DRICH1: variants seen among roughly 807,000 people sequenced by gnomAD.
The protein encoded by DRICH1 is aspartate-rich protein 1.
A neutral mutation model predicts 39.5 loss-of-function variants in DRICH1; 38 were observed. The observed-to-expected ratio is 0.96, with a 90% CI of 0.74 to 1.26. DRICH1 has a LOEUF of 1.26. Ranked by LOEUF, DRICH1 falls within the 50% of genes most tolerant of loss-of-function variation. The pLI, the probability that DRICH1 is intolerant of heterozygous loss-of-function variation, is 0.00. For synonymous variants in DRICH1, 84 were observed against 99.5 expected (o/e 0.84, Z 0.93); for missense variants, 279 against 270.4 (o/e 1.03, Z -0.22).
At chr22:23,609,120 A>T (rs1602327125) in intron 11 of DRICH1, among the ~76,000 whole-genome samples, 1 of 152,134 alleles carries the variant, frequency 6.6e-6, no homozygotes, top group East Asian at 1.9e-4. Flanking sequence ...ATTCAACTGT[A>T]GCCCAGAGGC....
chr22:23,598,517 C>T, the DRICH1 span, among the ~76,000 whole-genome samples: 2 of 152,192 alleles, frequency 1.3e-5, no homozygotes, highest in Admixed American at 6.5e-5. Context: ...TGAGCTTGGG[C>T]GGGACCCCTT....
At chr22:23,601,139 C>CACGT in the DRICH1 span, among the ~76,000 whole-genome samples, 3 of 140,308 alleles carry the variant, frequency 2.1e-5, no homozygotes, top group Non-Finnish European at 3.1e-5. Flanking sequence ...TGACCTAACG[C>CACGT]ACGCGCGCAC....
At chr22:23,609,895 G>C (rs1397869091) in intron 11 of DRICH1, among the ~76,000 whole-genome samples, 1 of 152,050 alleles carries the variant, frequency 6.6e-6, no homozygotes, top group Admixed American at 6.5e-5. Flanking sequence ...TTCTTGCTTG[G>C]ACTGAAACCT....
chr22:23,592,749 T>G, the DRICH1 span, among the ~76,000 whole-genome samples: 1 of 151,896 alleles, frequency 6.6e-6, no homozygotes, highest in Non-Finnish European at 1.5e-5. Context: ...CCCAGCACTT[T>G]GGGAGCCTGA....
intron 4 of DRICH1, 60 bp from the exon 5 acceptor site, chr22:23,620,675 ACAGATCTGTTATTCTCTTGATGACTT>A (rs1337813416): frequency 4.6e-5 from 72 of 1,579,536 alleles, no homozygotes; most frequent in Non-Finnish European, 6.2e-5. Context: ...CACCCCTTAC[ACAGATCTGTTATTCTCTTGATGACTT>A]CAGAAAACTA....
At chr22:23,585,861 T>C in the DRICH1 span, among the ~76,000 whole-genome samples, 990 of 152,312 alleles carry the variant, frequency 6.5e-3, 6 homozygotes, top group Non-Finnish European at 8.9e-3. Context: ...TGTATGTATT[T>C]AGGGTGCATA....
At chr22:23,590,906 G>A in the DRICH1 span, among the ~76,000 whole-genome samples, 2 of 152,218 alleles carry the variant, frequency 1.3e-5, no homozygotes, top group Non-Finnish European at 2.9e-5. Context: ...CTACAGGCGT[G>A]AGCCACTGGG....
the DRICH1 span, among the ~76,000 whole-genome samples, chr22:23,598,829 C>T: frequency 6.6e-6 from 1 of 152,012 alleles, no homozygotes; most frequent in Non-Finnish European, 1.5e-5. Context: ...GTGTTCCATA[C>T]AGGTGTGCTC....
chr22:23,584,111 T>C, the DRICH1 span, among the ~76,000 whole-genome samples: 2 of 152,308 alleles, frequency 1.3e-5, no homozygotes, highest in African/African-American at 4.8e-5. Flanking sequence ...GGGGCTGGGC[T>C]GGGCCGGGCC....
chr22:23,608,846 C>T, intron 11 of DRICH1, 78 bp from the exon 12 acceptor site: 2 of 1,477,980 alleles, frequency 1.4e-6, no homozygotes, highest in African/African-American at 1.4e-5. Context: ...CACTAAGCAG[C>T]CTCCACGCCA....
the DRICH1 span, among the ~76,000 whole-genome samples, chr22:23,588,962 T>A: frequency 6.6e-6 from 1 of 152,086 alleles, no homozygotes; most frequent in African/African-American, 2.4e-5. Flanking sequence ...ACTAGCAACA[T>A]CATGCTTCTG....
rs376290792 is a variant in DRICH1, at chr22:23,608,715, G to A, written c.*49C>T. 1.4e-4 allele frequency: 220 copies of A among 1,547,962 alleles called. 1 individual carries two copies. Among genetic ancestry groups the A allele is most frequent in the African/African-American group, 3.4e-4 (25 of 73,100 alleles). On this transcript the variant is annotated 3_prime_UTR_variant, in exon 12 of 12. Transcript: ENST00000317749. ...CAAAGCTGGGGACCCTGCAGCACGC[G>A]CTGGCCTGCCCTTTGGGTCAGCACC...
chr22:23,613,423 G>T, intron 10 of DRICH1, 93 bp from the exon 11 acceptor site: 1 of 1,091,164 alleles, frequency 9.2e-7, no homozygotes, highest in Non-Finnish European at 1.4e-6. Flanking sequence ...TGATGAGCTA[G>T]TCTCCCACTC....
In DRICH1 at chr22:23,613,487, C is replaced by T. The variant is rs142689723; in HGVS notation, c.643+152G>A. The stretch of plus-strand genomic sequence containing the variant: ...CTTTCTTCTGGGTCGACAAACCTTC[C>T]TACAGCTTCTCAGGCCAGAGTTCTA... On this transcript the variant is annotated intron_variant, in intron 10 of 11. Transcript: ENST00000317749. 1.1e-3 allele frequency: 1,006 copies of T among 887,330 alleles called. 8 individuals are homozygous for T. In the African/African-American group the frequency reaches 0.014, roughly 13 times the overall value. 55.0% of individuals were successfully genotyped at this position (887,330 alleles called of 1,614,324 possible).
At chr22:23,598,987 G>C in the DRICH1 span, among the ~76,000 whole-genome samples, 1 of 152,168 alleles carries the variant, frequency 6.6e-6, no homozygotes, top group Non-Finnish European at 1.5e-5. Flanking sequence ...ACTGCTCTAG[G>C]CCTCAGTTAT....
At chr22:23,630,729 T>C (rs1928339047) in intron 1 of DRICH1, 2 of 152,226 alleles carry the variant, frequency 1.3e-5, no homozygotes, top group South Asian at 4.1e-4. Context: ...ATCATCTAAA[T>C]GACACGGCTG....
the DRICH1 span, among the ~76,000 whole-genome samples, chr22:23,585,103 CT>C: frequency 6.6e-6 from 1 of 151,678 alleles, no homozygotes; most frequent in South Asian, 2.1e-4. Flanking sequence ...TTTTTCCTCT[CT>C]CTCTCCTTCC....
At chr22:23,592,597 C>G in the DRICH1 span, among the ~76,000 whole-genome samples, 2 of 152,098 alleles carry the variant, frequency 1.3e-5, no homozygotes, top group African/African-American at 2.4e-5. Flanking sequence ...GCCCACCCCT[C>G]CAGGGCCCAG....
intron 11 of DRICH1, among the ~76,000 whole-genome samples, chr22:23,609,823 C>T (rs10428023): frequency 0.02 from 3,004 of 152,268 alleles, 92 homozygotes; most frequent in African/African-American, 0.068. Context: ...CCTTTTCTGA[C>T]CCCATCTGCT....
Sources: gnomAD v4.1 joint callset for allele counts (sites outside exome capture counted in the v4.1 genomes callset) on GRCh38, gnomAD v4.1.1 for gene constraint, MANE v1.5 for transcripts, NCBI Gene and HGNC (gene_info 2026-07-23, HGNC 2026-07-21) for gene names.